HSD17B3: variants seen among roughly 807,000 people sequenced by gnomAD.
The protein encoded by HSD17B3 is hydroxysteroid 17-beta dehydrogenase 3.
Under a neutral mutation model 41.1 loss-of-function variants are expected in HSD17B3, and 29 were observed. The ratio of observed to expected loss-of-function variants is 0.71; its 90% CI spans 0.53 to 0.96. The LOEUF (loss-of-function observed/expected upper bound fraction) is 0.96. Ranked by LOEUF, HSD17B3 falls within the 40% of genes least tolerant of loss-of-function variation. The pLI is 0.00. For synonymous variants in HSD17B3, 126 were observed against 145.6 expected (o/e 0.87, Z 0.97); for missense variants, 323 against 374.6 (o/e 0.86, Z 1.14).
chr9:96,261,352 T>C (rs1396403897), intron 2 of HSD17B3, among the ~76,000 whole-genome samples: 3 of 152,330 alleles, frequency 2.0e-5, no homozygotes, highest in Admixed American at 2.0e-4. Context: ...TGTGCCACCA[T>C]GCCCGGCTAA....
At chr9:96,266,071 G>A (rs1417428222) in intron 2 of HSD17B3, among the ~76,000 whole-genome samples, 2 of 152,188 alleles carry the variant, frequency 1.3e-5, no homozygotes, top group Admixed American at 6.5e-5. Flanking sequence ...CACACAATAT[G>A]AGGAATTTTA....
intron 7 of HSD17B3, among the ~76,000 whole-genome samples, chr9:96,245,810 C>T (rs1279076365): frequency 6.6e-6 from 1 of 152,144 alleles, no homozygotes; most frequent in Admixed American, 6.5e-5. Context: ...AGCTGCCGGT[C>T]CCTTTGGACT....
rs747724352 is a variant in HSD17B3, at chr9:96,251,474, C to T, written c.397G>A (p.Gly133Arg). ...LEIGILVNNV[G>R]MLPNLLPSHF... Reference sequence around the variant, plus strand: ...CTTGGGAGAAGGTTTGGAAGCATTCCGACATTGTTGACTGGCAGAAAGAAG... The same window carrying T: ...CTTGGGAGAAGGTTTGGAAGCATTCTGACATTGTTGACTGGCAGAAAGAAG... The change falls in exon 5 of 11, where the codon GGA becomes AGA. Residue 133 changes from glycine (G) to arginine (R), a missense_variant. Coordinates refer to ENST00000375263, the MANE Select transcript of HSD17B3 (RefSeq NM_000197.2). The T allele has an allele frequency of 6.2e-6, 10 of 1,614,006 alleles. No individual in the cohort carries two copies. The highest frequency in any genetic ancestry group is 1.7e-5 in the Admixed American group (1 of 60,018).
Position 96,240,891 on chromosome 9 carries a change from G to A in HSD17B3, c.689C>T (p.Ala230Val). The A allele has an allele frequency of 2.5e-6, 4 of 1,614,170 alleles. No individual in the cohort carries two copies. Among genetic ancestry groups the A allele is most frequent in the Non-Finnish European group, 3.4e-6 (4 of 1,180,022 alleles). Residue 230 changes from alanine (A) to valine (V), a missense_variant, in exon 10 of 11, where the codon GCT (alanine) becomes GTT (valine). Transcript: ENST00000375263. ...EVIIQVLTPY[A>V]VSTAMTKYLN... is the part of the protein sequence containing the mutation. ...ATACTTTGTCATTGCAGTCGAGACA[G>A]CATATGGGGTCAGCACCTACAACGG...
intron 4 of HSD17B3, 103 bp from the exon 5 acceptor site, chr9:96,251,588 G>A: frequency 9.5e-7 from 1 of 1,055,164 alleles, no homozygotes; most frequent in South Asian, 1.3e-5. Flanking sequence ...GTTCATCGCA[G>A]CATGATTTGG....
chr9:96,252,964 C>T (rs965400006), intron 3 of HSD17B3, 54 bp from the exon 4 acceptor site: 12 of 1,112,070 alleles, frequency 1.1e-5, no homozygotes, highest in Middle Eastern at 1.9e-4. Flanking sequence ...TGCCCCCTCG[C>T]CCATGAAGTT....
chr9:96,281,840 G>A lies in HSD17B3; in HGVS notation c.201+16576C>T, dbSNP rs374868916. ...GGTTTTTTCTCTGGGCTCTGTGAGC[G>A]TCTCGCCTCCCCCACCCTGCCTCAG... On this transcript the variant is annotated intron_variant, in intron 2 of 10. Coordinates refer to ENST00000375263, the MANE Select transcript of HSD17B3 (RefSeq NM_000197.2). Among the ~76,000 whole-genome samples, 11 of 152,282 alleles carry A rather than the reference G, an allele frequency of 7.2e-5. No homozygotes were observed. In the East Asian group the frequency reaches 1.5e-3, roughly 21 times the overall value.
At chr9:96,263,537 G>A (rs542720518) in intron 2 of HSD17B3, among the ~76,000 whole-genome samples, 2 of 145,308 alleles carry the variant, frequency 1.4e-5, no homozygotes, top group East Asian at 4.0e-4. Flanking sequence ...CTAACACAGT[G>A]AAACCCCGTC....
At chr9:96,235,627 C>T (rs1836206062) in intron 10 of HSD17B3, 57 bp from the exon 11 acceptor site, 21 of 1,313,216 alleles carry the variant, frequency 1.6e-5, no homozygotes, top group Non-Finnish European at 2.0e-5. Flanking sequence ...TACCTCAGTT[C>T]ATCTTTGTGG....
chr9:96,275,592 A>G (rs1442120531), intron 2 of HSD17B3, among the ~76,000 whole-genome samples: 1 of 151,944 alleles, frequency 6.6e-6, no homozygotes, highest in Non-Finnish European at 1.5e-5. Flanking sequence ...AAAAAAAGAA[A>G]AAAAAAAGCA....
intron 2 of HSD17B3, among the ~76,000 whole-genome samples, chr9:96,257,650 T>G (rs1825720239): frequency 6.6e-6 from 1 of 152,226 alleles, no homozygotes; most frequent in African/African-American, 2.4e-5. Flanking sequence ...TTTCTATTGC[T>G]CCATGGTATT....
chr9:96,259,452 T>C (rs191074307), intron 2 of HSD17B3, among the ~76,000 whole-genome samples: 73 of 152,266 alleles, frequency 4.8e-4, no homozygotes, highest in African/African-American at 1.6e-3. Flanking sequence ...GCCGGGCACA[T>C]TGGCTCATGC....
chr9:96,300,250 ACACG>A (rs1554705310), intron 1 of HSD17B3, among the ~76,000 whole-genome samples: 1 of 151,122 alleles, frequency 6.6e-6, no homozygotes, highest in African/African-American at 2.4e-5. Flanking sequence ...ACACACACAC[ACACG>A]CACACAGCAA....
chr9:96,252,388 C>T (rs2130729445), intron 4 of HSD17B3, among the ~76,000 whole-genome samples: 1 of 151,864 alleles, frequency 6.6e-6, no homozygotes, highest in African/African-American at 2.4e-5. Flanking sequence ...ACTAAAAATA[C>T]AAAAATTAGC....
intron 2 of HSD17B3, among the ~76,000 whole-genome samples, chr9:96,287,804 A>C (rs1184926705): frequency 6.6e-6 from 1 of 151,998 alleles, no homozygotes; most frequent in Non-Finnish European, 1.5e-5. Context: ...TACCCAAAGG[A>C]AAGAGAAAAG....
chr9:96,292,599 C>T (rs1827196990), intron 2 of HSD17B3, among the ~76,000 whole-genome samples: 1 of 152,164 alleles, frequency 6.6e-6, no homozygotes, highest in Admixed American at 6.6e-5. Flanking sequence ...CCATCCGCCT[C>T]AGCCTCCCAA....
intron 2 of HSD17B3, among the ~76,000 whole-genome samples, chr9:96,293,659 GTA>G (rs932418097): frequency 2.7e-5 from 4 of 149,016 alleles, no homozygotes; most frequent in South Asian, 2.1e-4. Flanking sequence ...GTCTGTGTGT[GTA>G]TGTGTGTGTG....
chr9:96,250,206 C>T, intron 5 of HSD17B3: 1 of 1,136,274 alleles, frequency 8.8e-7, no homozygotes, highest in South Asian at 3.5e-5. Context: ...GGTAAAGAAA[C>T]CACTAGAATG....
chr9:96,246,596 A>G lies in HSD17B3; in HGVS notation c.490-6T>C, dbSNP rs1230867519. The G allele has an allele frequency of 1.2e-6, 2 of 1,614,072 alleles. No individual in the cohort carries two copies. The highest frequency in any genetic ancestry group is 8.5e-7 in the Non-Finnish European group (1 of 1,179,950). The stretch of plus-strand genomic sequence containing the variant: ...TTCAGAATTAGCTGTGTCATCTACA[A>G]GAGAAGGCCAAAGGTAAGCCCGACA... On this transcript the variant is annotated splice_polypyrimidine_tract_variant and splice_region_variant and intron_variant, in intron 6 of 10. Transcript: ENST00000375263.
Sources: gnomAD v4.1 joint callset for allele counts (sites outside exome capture counted in the v4.1 genomes callset) on GRCh38, gnomAD v4.1.1 for gene constraint, MANE v1.5 for transcripts, NCBI Gene and HGNC (gene_info 2026-07-23, HGNC 2026-07-21) for gene names.